The following COL6A3 variants were observed in gnomAD, a reference collection of about 807,000 sequenced individuals.
The protein encoded by COL6A3 is collagen alpha-3(VI) chain.
A neutral mutation model predicts 274.1 loss-of-function variants in COL6A3; 137 were observed. The ratio of observed to expected loss-of-function variants is 0.50; its 90% CI spans 0.44 to 0.58. The LOEUF (loss-of-function observed/expected upper bound fraction) is 0.58. Ranked by LOEUF, COL6A3 falls within the 20% of genes least tolerant of loss-of-function variation. The probability of loss-of-function intolerance (pLI) is 0.00; values close to 1 mark genes in which losing one functional copy is unlikely to be tolerated. For missense variants in COL6A3, 3,950 were observed against 4,124.9 expected, an observed-to-expected ratio of 0.96 and a Z score of 1.16; for synonymous variants, 1,650 against 1,650.6, an observed-to-expected ratio of 1.00 and a Z score of 0.01.
intron 39 of COL6A3, among the ~76,000 whole-genome samples, chr2:237,337,223 T>A (rs1015592183): frequency 1.3e-5 from 2 of 152,194 alleles, no homozygotes; most frequent in African/African-American, 4.8e-5. Context: ...TATTAATATA[T>A]TTTCAAGTTA....
At chr2:237,351,890 C>A (rs960117765) in intron 26 of COL6A3, among the ~76,000 whole-genome samples, 1 of 152,222 alleles carries the variant, frequency 6.6e-6, no homozygotes, top group Non-Finnish European at 1.5e-5. Flanking sequence ...TATGTAGCAA[C>A]ATATTGAGCT....
In COL6A3 at chr2:237,381,043, G is replaced by C; in HGVS notation, c.1769C>G (p.Ala590Gly). The C allele has an allele frequency of 8.1e-6, 13 of 1,614,222 alleles. No individual in the cohort carries two copies. Among genetic ancestry groups the C allele is most frequent in the Non-Finnish European group, 9.3e-6 (11 of 1,180,050 alleles). Residue 590 changes from alanine (A) to glycine (G), a missense_variant, in exon 5 of 44, where the codon GCT becomes GGT. Physicochemically the swap from Ala to Gly is moderately conservative, Grantham distance 60. Around this residue, in one of 5 missense-constraint regions of COL6A3, gnomAD observed 1,934 missense variants for 1,984.3 expected, o/e 0.97. Transcript: ENST00000295550. ...GTCGAAAGCGATCTCTTCCAGCTCA[G>C]CCTGATCGGCACCCTTGTTCCCAAT... ...FAIGNKGADQ[A>G]ELEEIAFDSS...
In COL6A3 at chr2:237,351,158, C is replaced by T. The variant is rs779508804; in HGVS notation, c.6788G>A (p.Arg2263Gln). 12 of 1,614,110 alleles carry T rather than the reference C, an allele frequency of 7.4e-6. No homozygotes were observed. Among genetic ancestry groups the T allele is most frequent in the East Asian group, 2.2e-5 (1 of 44,894 alleles). Residue 2263 changes from arginine (R) to glutamine (Q), a missense_variant, in exon 27 of 44, where the codon CGA (arginine) becomes CAA (glutamine). Arg to Gln is a conservative substitution (Grantham distance 43). Transcript: ENST00000295550. The stretch of plus-strand genomic sequence containing the variant: ...TCTTCCCAGTGGACCGGTTCTGCCT[C>T]GTTCTCCAGGAGCACCAGCGGCACC... ...SGGAAGAPGE[R>Q]GRTGPLGRKG...
intron 1 of COL6A3, among the ~76,000 whole-genome samples, chr2:237,405,122 T>G (rs1367064329): frequency 6.6e-6 from 1 of 152,116 alleles, no homozygotes; most frequent in Non-Finnish European, 1.5e-5. Context: ...AGATAATGCC[T>G]GTAGGACAAT....
chr2:237,408,366 C>T lies in COL6A3; in HGVS notation c.-31+5587G>A, dbSNP rs76155758. Among the ~76,000 whole-genome samples the T allele has an allele frequency of 1.9e-3, 285 of 152,310 alleles. 10 individuals are homozygous for T. In the East Asian group the frequency reaches 0.051, roughly 27 times the overall value. On this transcript the variant is annotated intron_variant, in intron 1 of 43. Transcript: ENST00000295550. ...CGACTGCTCTCTTCCATCTGTTGCC[C>T]TGGGCTCTGATGAATGATGGGTTTT...
In COL6A3 at chr2:237,393,300, C is replaced by A. The variant is rs76442820; in HGVS notation, c.709+1287G>T. Among the ~76,000 whole-genome samples the A allele has an allele frequency of 4.4e-3, 671 of 152,270 alleles. 5 individuals are homozygous for A. The highest frequency in any genetic ancestry group is 0.016 in the African/African-American group (647 of 41,550). The stretch of plus-strand genomic sequence containing the variant: ...ATAGCAACTGGATGCCACTTCAAAT[C>A]AGCAGTTGCTTCCTGAATGTTTTGT... On this transcript the variant is annotated intron_variant, in intron 3 of 43. Transcript: ENST00000295550.
In COL6A3 at chr2:237,363,360, C is replaced by T; in HGVS notation, c.5956G>A (p.Val1986Ile). 1 of 1,614,138 alleles carries T rather than the reference C, an allele frequency of 6.2e-7. No individual in the cohort carries two copies. The highest frequency in any genetic ancestry group is 8.5e-7 in the Non-Finnish European group (1 of 1,180,042). Reference protein sequence around the residue: ...ALILVGLERVVNLERLMHLEF... With the variant: ...ALILVGLERVINLERLMHLEF... ...AGATGCATTAGCCGCTCCAAGTTGA[C>T]CACTCGTTCAAGGCCCACCAGGATC... Residue 1986 changes from valine to isoleucine, a missense_variant, in exon 14 of 44, where the codon GTC becomes ATC. By Grantham distance (29) the Val-to-Ile change is conservative. Transcript: ENST00000295550.
In COL6A3 at chr2:237,354,934, C is replaced by T. The variant is rs1257553370; in HGVS notation, c.6592G>A (p.Gly2198Ser). 26 of 1,613,638 alleles carry T rather than the reference C, an allele frequency of 1.6e-5. No homozygotes were observed. The highest frequency in any genetic ancestry group is 2.2e-5 in the Non-Finnish European group (26 of 1,179,862). Reference sequence around the variant, plus strand: ...GGGGGTCCCCTTCGGCCAAAGCCACCCTGTGGAAGAAAAAGTCCCACAAAC... The same window carrying T: ...GGGGGTCCCCTTCGGCCAAAGCCACTCTGTGGAAGAAAAAGTCCCACAAAC... ...PGGPGETGKN[G>S]GFGRRGPPGA... The change falls in exon 24 of 44, where the codon GGT (glycine) becomes AGT (serine). Residue 2198 changes from glycine to serine, a missense_variant and splice_region_variant. This residue lies in a region of COL6A3 where 1,284 missense variants were observed against 1,349.7 expected (regional missense o/e 0.95). Coordinates refer to ENST00000295550, the MANE Select transcript of COL6A3 (RefSeq NM_004369.4).
At chr2:237,390,803 C>A (rs2078268813) in intron 3 of COL6A3, among the ~76,000 whole-genome samples, 1 of 152,196 alleles carries the variant, frequency 6.6e-6, no homozygotes. Flanking sequence ...TAAAAATCTT[C>A]ATCCTTTACA....
At chr2:237,350,043 T>G (rs2077173453) in intron 28 of COL6A3, 104 bp downstream of exon 28, 7 of 1,078,668 alleles carry the variant, frequency 6.5e-6, no homozygotes, top group Middle Eastern at 4.0e-4. Context: ...TCCCCAATAA[T>G]ACAAGAAGCA....
rs76568198 is a variant in COL6A3, at chr2:237,372,567, A to G, written c.3680-230T>C. Among the ~76,000 whole-genome samples, 2,167 of 152,326 alleles carry G rather than the reference A, an allele frequency of 0.014. 28 individuals carry two copies. Among genetic ancestry groups the G allele is most frequent in the Middle Eastern group, 0.031 (9 of 294 alleles). ...GAGGCAGAATCAGAAGAGCCTCATCAGCACCAGCGAGGATGGTACTTGGGA... is the reference window on the plus strand; with the variant it reads ...GAGGCAGAATCAGAAGAGCCTCATCGGCACCAGCGAGGATGGTACTTGGGA... On this transcript the variant is annotated intron_variant, in intron 8 of 43. Coordinates refer to ENST00000295550, the MANE Select transcript of COL6A3 (RefSeq NM_004369.4).
chr2:237,383,622 A>G (rs1255554078), intron 4 of COL6A3, among the ~76,000 whole-genome samples: 1 of 152,196 alleles, frequency 6.6e-6, no homozygotes, highest in Non-Finnish European at 1.5e-5. Flanking sequence ...TTTACTATGT[A>G]TATCACACAT....
At chr2:237,401,123 A>T (rs2106397056) in intron 1 of COL6A3, among the ~76,000 whole-genome samples, 1 of 152,352 alleles carries the variant, frequency 6.6e-6, no homozygotes, top group South Asian at 2.1e-4. Context: ...CCTCATGTAT[A>T]TGATCTTTGA....
intron 30 of COL6A3, 48 bp downstream of exon 30, chr2:237,348,301 A>T (rs896307939): frequency 4.0e-6 from 6 of 1,503,740 alleles, no homozygotes; most frequent in South Asian, 1.1e-5. Flanking sequence ...GACATACCAG[A>T]GCCATCCCAA....
In COL6A3 at chr2:237,356,464, A is replaced by G. The variant is rs529603188; in HGVS notation, c.6591+874T>C. 3.3e-5 allele frequency among the ~76,000 whole-genome samples: 5 copies of G among 152,320 alleles called. No homozygotes were observed. The East Asian group carries it at 9.6e-4, about 29-fold the overall frequency. On this transcript the variant is annotated intron_variant, in intron 23 of 43. Coordinates refer to ENST00000295550, the MANE Select transcript of COL6A3 (RefSeq NM_004369.4). ...GCAAAATGATGCCCATAGTCCATCA[A>G]TTTGATTTTGGTGAGTCGCTCCTTT...
At chr2:237,357,059 G>T in intron 23 of COL6A3, 1 of 540,532 alleles carries the variant, frequency 1.9e-6, no homozygotes, top group South Asian at 2.3e-5. Flanking sequence ...TATTTAGTTG[G>T]ATCAAACCTG....
In COL6A3 at chr2:237,374,985, C is replaced by T; in HGVS notation, c.3106G>A (p.Gly1036Ser). ...AAGCCGCTCCTGACGCCCTCAGAGCCATCAAGCAGAAACACCACGTCCTTT... is the reference window on the plus strand; with the variant it reads ...AAGCCGCTCCTGACGCCCTCAGAGCTATCAAGCAGAAACACCACGTCCTTT... ...GEKDVVFLLDGSEGVRSGFPL... is the reference protein window; with the variant it reads ...GEKDVVFLLDSSEGVRSGFPL... Residue 1036 changes from glycine (G) to serine (S), a missense_variant, in exon 8 of 44, where the codon GGC becomes AGC. Gly to Ser is a moderately conservative substitution (Grantham distance 56). Transcript: ENST00000295550. This position sits in a 1 kb window ranked among gnomAD's most constrained non-coding sequence, Gnocchi z 4.8. The T allele has an allele frequency of 6.2e-7, 1 of 1,613,934 alleles. No individual in the cohort carries two copies. The highest frequency in any genetic ancestry group is 8.5e-7 in the Non-Finnish European group (1 of 1,180,004).
rs111328076 is a variant in COL6A3 at position 237,374,761 on chromosome 2, G to A, written c.3330C>T (p.Ala1110=). The A allele has an allele frequency of 5.5e-5, 89 of 1,613,860 alleles. No individual in the cohort carries two copies. The highest frequency in any genetic ancestry group is 1.8e-4 in the East Asian group (8 of 44,864). ...LLGGPTPNTG[A]ALEFVLRNIL... ...TGTTCCTCAGGACAAACTCCAGGGC[G>A]GCCCCGGTGTTGGGGGTCGGCCCTC... The change falls in exon 8 of 44, where the codon GCC becomes GCT. Residue 1110 remains alanine, a synonymous_variant. Transcript: ENST00000295550. This position sits in a 1 kb window ranked among gnomAD's most constrained non-coding sequence, Gnocchi z 4.8.
At chr2:237,398,879 C>A (rs1176041225) in intron 1 of COL6A3, among the ~76,000 whole-genome samples, 2 of 152,152 alleles carry the variant, frequency 1.3e-5, no homozygotes, top group Non-Finnish European at 2.9e-5. Context: ...TATTAAACCG[C>A]TGTTTTGGGT....
Sources: allele counts gnomAD v4.1 joint callset (sites outside exome capture counted in the v4.1 genomes callset), GRCh38; gene constraint gnomAD v4.1.1; regional missense constraint gnomAD v4.1.1; non-coding constraint Gnocchi (gnomAD v3.1); transcripts MANE v1.5; gene names NCBI Gene and HGNC (gene_info 2026-07-23, HGNC 2026-07-21).